ERMP1: variants seen among roughly 807,000 people sequenced by gnomAD.
ERMP1 encodes the protein Felix-ina.
In ERMP1, 86 loss-of-function variants were observed where a neutral mutation model predicts 92.0. The observed-to-expected ratio is 0.93, with a 90% CI of 0.79 to 1.12. The LOEUF is 1.12. ERMP1 is among the 50% of genes most tolerant of loss of function. ERMP1 has a pLI of 0.00. For synonymous variants in ERMP1, 530 were observed against 412.8 expected (o/e 1.28, Z -3.44); for missense variants, 1,342 against 1,116.3 (o/e 1.20, Z -2.88).
intron 13 of ERMP1, chr9:5,791,203 G>C (rs1225188823): frequency 4.4e-6 from 2 of 456,636 alleles, no homozygotes; most frequent in Non-Finnish European, 8.8e-6. Context: ...CAGAGAGAGT[G>C]ATTGAGATTT....
intron 6 of ERMP1, among the ~76,000 whole-genome samples, chr9:5,843,729 C>G (rs1238642128): frequency 2.0e-5 from 3 of 151,842 alleles, no homozygotes; most frequent in Non-Finnish European, 4.4e-5. Context: ...GATGCAGAGC[C>G]GAAGATCTCT....
intron 4 of ERMP1, among the ~76,000 whole-genome samples, chr9:5,821,985 G>A (rs567243790): frequency 6.6e-6 from 1 of 152,344 alleles, no homozygotes; most frequent in Non-Finnish European, 1.5e-5. Flanking sequence ...CGGGCGTGGT[G>A]GCTCGTGCCT....
At chr9:5,810,545 T>A (rs766920324) in intron 7 of ERMP1, among the ~76,000 whole-genome samples, 3 of 152,238 alleles carry the variant, frequency 2.0e-5, no homozygotes, top group Non-Finnish European at 4.4e-5. Context: ...TGGTATGCTT[T>A]GTGTATCAAA....
chr9:5,825,199 T>C lies in ERMP1; in HGVS notation c.661A>G (p.Ser221Gly). The C allele has an allele frequency of 6.2e-7, 1 of 1,612,412 alleles. No homozygotes were observed. Among genetic ancestry groups the C allele is most frequent in the Non-Finnish European group, 8.5e-7 (1 of 1,179,578 alleles). ...NSPGASDDAV[S>G]CSVMLEVLRV... ...AGGACTTCCAGCATCACTGAGCAGC[T>C]AACTGCATCATCACTGGCACCTTCA... Residue 221 changes from serine to glycine, a missense_variant, in exon 3 of 15, where the codon AGC (serine) becomes GGC (glycine). Physicochemically the swap from Ser to Gly is moderately conservative, Grantham distance 56. Coordinates refer to ENST00000339450, the MANE Select transcript of ERMP1 (RefSeq NM_024896.3).
chr9:5,825,005 G>A (rs1829681504), intron 3 of ERMP1, 87 bp downstream of exon 3: 7 of 1,314,736 alleles, frequency 5.3e-6, no homozygotes, highest in South Asian at 1.3e-5. Context: ...CATAAAAAAT[G>A]CATTTACTAT....
At chr9:5,809,468 T>C (rs890125250) in intron 8 of ERMP1, among the ~76,000 whole-genome samples, 2 of 152,198 alleles carry the variant, frequency 1.3e-5, no homozygotes, top group African/African-American at 4.8e-5. Flanking sequence ...TCCAATGACA[T>C]ACATGCATGC....
upstream of ERMP1, among the ~76,000 whole-genome samples, chr9:5,833,868 T>C (rs1325594992): frequency 6.6e-6 from 1 of 152,200 alleles, no homozygotes; most frequent in Non-Finnish European, 1.5e-5. Flanking sequence ...CTGGGGCGGT[T>C]AAGCAGCAGA....
chr9:5,835,374 G>A (rs556212715), upstream of ERMP1, among the ~76,000 whole-genome samples: 1 of 152,184 alleles, frequency 6.6e-6, no homozygotes, highest in South Asian at 2.1e-4. Context: ...GTGTGTGTGT[G>A]TATAAAATGT....
intron 2 of ERMP1, among the ~76,000 whole-genome samples, chr9:5,828,702 A>G (rs1829818882): frequency 6.6e-6 from 1 of 152,094 alleles, no homozygotes; most frequent in Admixed American, 6.5e-5. Context: ...TGTGTTAATA[A>G]ACTTCTATTT....
At chr9:5,804,859 T>C (rs1394394223) in intron 10 of ERMP1, among the ~76,000 whole-genome samples, 168 bp downstream of exon 10, 2 of 151,494 alleles carry the variant, frequency 1.3e-5, no homozygotes. Context: ...TATACTACAG[T>C]TTCTTACGAT....
rs1439147930 is a variant in ERMP1 at position 5,823,799 on chromosome 9, G to C, written c.874+97C>G. 13 of 839,746 alleles carry C rather than the reference G, an allele frequency of 1.5e-5. No homozygotes were observed. The African/African-American group carries it at 2.1e-4, about 13-fold the overall frequency. The allele number at this position is 839,746 out of a possible 1,614,324, so 52.0% of individuals were successfully genotyped here. A position where few individuals can be genotyped will look rare whatever the true frequency, so the allele number is the denominator to read the frequency against. On this transcript the variant is annotated intron_variant, in intron 4 of 14. Coordinates refer to ENST00000339450, the MANE Select transcript of ERMP1 (RefSeq NM_024896.3). ...TGCTTTAAAAAGAATGCTCATTCAA[G>C]AGACTGTTTATTGAAGATATTATTT...
Position 5,813,168 on chromosome 9 carries a change from C to G in ERMP1, c.875-133G>C, listed in dbSNP as rs1040127572. On this transcript the variant is annotated intron_variant, in intron 4 of 14. Transcript: ENST00000339450. ...GGGTCCAATATGTACCTTTTCATCC[C>G]TTTTTCTGTAGTTTCCAATGTTTCT... 9 of 815,022 alleles carry G rather than the reference C, an allele frequency of 1.1e-5. No individual in the cohort carries two copies. The African/African-American group carries it at 1.6e-4, about 14-fold the overall frequency. 50.5% of individuals were successfully genotyped at this position (815,022 alleles called of 1,614,324 possible).
At position 5,808,882 on chromosome 9, in the gene ERMP1, C is replaced by A. The variant is rs999282818; in HGVS notation, c.1548+1129G>T. Among the ~76,000 whole-genome samples the A allele has an allele frequency of 3.3e-5, 5 of 152,114 alleles. No individual in the cohort carries two copies. In the South Asian group the frequency reaches 1.0e-3, roughly 32 times the overall value. ...CCACCCAGGTAGCTGGGACTACAGGCACACACCACCATGCCTGGCTAATTT... is the reference window on the plus strand; with the variant it reads ...CCACCCAGGTAGCTGGGACTACAGGAACACACCACCATGCCTGGCTAATTT... On this transcript the variant is annotated intron_variant, in intron 8 of 14. Coordinates refer to ENST00000339450, the MANE Select transcript of ERMP1 (RefSeq NM_024896.3).
chr9:5,825,732 G>T (rs192596909), intron 2 of ERMP1, among the ~76,000 whole-genome samples: 117 of 152,128 alleles, frequency 7.7e-4, no homozygotes, highest in African/African-American at 2.6e-3. Flanking sequence ...CTTCTCCAAG[G>T]GGATTATGTG....
At chr9:5,840,638 C>T (rs1488885402) in intron 6 of ERMP1, among the ~76,000 whole-genome samples, 4 of 152,238 alleles carry the variant, frequency 2.6e-5, no homozygotes, top group African/African-American at 9.6e-5. Flanking sequence ...GGGTGCTGCG[C>T]TGAAAGCACT....
At chr9:5,856,080 G>T in intron 6 of ERMP1, 1 of 375,396 alleles carries the variant, frequency 2.7e-6, no homozygotes, top group East Asian at 8.6e-5. Flanking sequence ...CGTCGGCTGA[G>T]ACAATCTTTA....
chr9:5,842,917 C>T lies in ERMP1; in HGVS notation n.3200-9605G>A, dbSNP rs543231924. Among the ~76,000 whole-genome samples, 3 of 152,316 alleles carry T rather than the reference C, an allele frequency of 2.0e-5. 1 individual carries two copies. In the South Asian group the frequency reaches 6.2e-4, roughly 32 times the overall value. On this transcript the variant is annotated intron_variant and non_coding_transcript_variant, in intron 6 of 6. Coordinates refer to the ERMP1 transcript ENST00000690753. ...TAGCCTAAAGTTTTAAAAGCCTTTT[C>T]CCTCTCAGATTCCTTCATGATTCTA...
intron 5 of ERMP1, among the ~76,000 whole-genome samples, chr9:5,865,501 C>G (rs1225514135): frequency 8.1e-6 from 1 of 124,220 alleles, no homozygotes; most frequent in Non-Finnish European, 1.6e-5. Context: ...GAGCAAGACT[C>G]CATCTCAAAA....
At chr9:5,812,667 G>T (rs1334664481) in intron 5 of ERMP1, 1 of 580,834 alleles carries the variant, frequency 1.7e-6, no homozygotes, top group African/African-American at 1.9e-5. Flanking sequence ...GTTCACCCCT[G>T]TTCTTCTATG....
Sources: gnomAD v4.1 joint callset for allele counts (sites outside exome capture counted in the v4.1 genomes callset) on GRCh38, gnomAD v4.1.1 for gene constraint, MANE v1.5 for transcripts, NCBI Gene and HGNC (gene_info 2026-07-23, HGNC 2026-07-21) for gene names.